The following ENTREP2 variants were observed in gnomAD, a reference collection of about 807,000 sequenced individuals.
ENTREP2 encodes protein ENTREP2.
chr15:29,598,729 C>G, the ENTREP2 span, among the ~76,000 whole-genome samples: 1 of 152,030 alleles, frequency 6.6e-6, no homozygotes, highest in South Asian at 2.1e-4. Context: ...CGGAGTCTCG[C>G]TTTGTCGCCC....
chr15:29,562,857 C>T, the ENTREP2 span, among the ~76,000 whole-genome samples: 1 of 152,048 alleles, frequency 6.6e-6, no homozygotes, highest in East Asian at 1.9e-4. Flanking sequence ...GTGGTGCAAT[C>T]GAAGCTCACT....
the ENTREP2 span, among the ~76,000 whole-genome samples, chr15:29,557,639 T>C: frequency 6.6e-6 from 1 of 152,184 alleles, no homozygotes; most frequent in Non-Finnish European, 1.5e-5. Context: ...CACTTCATGT[T>C]TGCCCTAGCA....
the ENTREP2 span, among the ~76,000 whole-genome samples, chr15:29,608,929 T>A: frequency 6.6e-6 from 1 of 152,094 alleles, no homozygotes; most frequent in African/African-American, 2.4e-5. Context: ...ACTCTTCAGC[T>A]CCACCTGCTC....
chr15:29,391,737 A>G, the ENTREP2 span, among the ~76,000 whole-genome samples: 1 of 152,230 alleles, frequency 6.6e-6, no homozygotes, highest in Admixed American at 6.5e-5. Flanking sequence ...TAGCACATAT[A>G]TTATTATAAT....
chr15:29,482,133 G>C, the ENTREP2 span, among the ~76,000 whole-genome samples: 1 of 151,028 alleles, frequency 6.6e-6, no homozygotes, highest in Non-Finnish European at 1.5e-5. Flanking sequence ...AAGTAGCTGG[G>C]ATTACAGGTG....
chr15:29,306,664 ATTTTTTTTTTTTTTTTTTTTTTTTTTT>A, the ENTREP2 span, among the ~76,000 whole-genome samples: 266 of 77,338 alleles, frequency 3.4e-3, 3 homozygotes, highest in African/African-American at 8.9e-3. Flanking sequence ...ATAATTGGTA[ATTTTTTTTTTTTTTTTTTTTTTTTTTT>A]TTTTTTTTTT....
chr15:29,173,867 CTT>C, the ENTREP2 span, among the ~76,000 whole-genome samples: 6 of 149,294 alleles, frequency 4.0e-5, no homozygotes, highest in Admixed American at 2.0e-4. Context: ...TATAATATGT[CTT>C]ATAATCTTTT....
chr15:29,648,917 C>A, the ENTREP2 span, among the ~76,000 whole-genome samples: 1 of 149,942 alleles, frequency 6.7e-6, no homozygotes, highest in Non-Finnish European at 1.5e-5. Context: ...CCAGCCTGGG[C>A]AACAAGAGCG....
chr15:29,257,719 T>C, the ENTREP2 span, among the ~76,000 whole-genome samples: 1 of 152,358 alleles, frequency 6.6e-6, no homozygotes, highest in Admixed American at 6.5e-5. Context: ...TACCATTCTC[T>C]ACCGTAACTA....
chr15:29,138,152 T>G, the ENTREP2 span, among the ~76,000 whole-genome samples: 4 of 152,156 alleles, frequency 2.6e-5, no homozygotes, highest in Admixed American at 6.5e-5. Context: ...TTCACACAGT[T>G]TGTAAAACAC....
chr15:29,389,464 T>C, the ENTREP2 span, among the ~76,000 whole-genome samples: 1 of 151,692 alleles, frequency 6.6e-6, no homozygotes, highest in Non-Finnish European at 1.5e-5. Flanking sequence ...CCAACACCAA[T>C]GCTTGAGCGC....
chr15:29,150,436 C>G, the ENTREP2 span, among the ~76,000 whole-genome samples: 4 of 152,196 alleles, frequency 2.6e-5, no homozygotes, highest in Non-Finnish European at 5.9e-5. Context: ...GCCTTTAGTT[C>G]TGTAAGTTTG....
chr15:29,129,009 T>C, the ENTREP2 span: 21 of 607,800 alleles, frequency 3.5e-5, no homozygotes, highest in Non-Finnish European at 4.9e-5. Context: ...CTCCCCTACA[T>C]TTATGAGGTG....
chr15:29,469,562 T>G, the ENTREP2 span, among the ~76,000 whole-genome samples: 1 of 152,070 alleles, frequency 6.6e-6, no homozygotes, highest in Admixed American at 6.6e-5. Flanking sequence ...AGAGTGGTGG[T>G]TGCCATGGCG....
the ENTREP2 span, among the ~76,000 whole-genome samples, chr15:29,480,243 T>G: frequency 6.6e-6 from 1 of 151,264 alleles, no homozygotes; most frequent in African/African-American, 2.4e-5. Context: ...AACACTGCAT[T>G]TCTTTTGAAG....
At chr15:29,380,507 C>T in the ENTREP2 span, among the ~76,000 whole-genome samples, 6,208 of 152,130 alleles carry the variant, frequency 0.041, 276 homozygotes, top group African/African-American at 0.11. Flanking sequence ...CCCAGAAAAC[C>T]TCTTCCTCTA....
chr15:29,570,092 G>T, the ENTREP2 span: 1 of 140,186 alleles, frequency 7.1e-6, no homozygotes, highest in Non-Finnish European at 1.5e-5. Context: ...CGCCGCGAGG[G>T]TGAGAGGCGC....
At chr15:29,278,443 AG>A in the ENTREP2 span, among the ~76,000 whole-genome samples, 1 of 152,188 alleles carries the variant, frequency 6.6e-6, no homozygotes, top group Non-Finnish European at 1.5e-5. Context: ...ACCCTGTCCC[AG>A]GCTGTTGTTC....
At chr15:29,335,104 G>C in the ENTREP2 span, among the ~76,000 whole-genome samples, 1 of 152,170 alleles carries the variant, frequency 6.6e-6, no homozygotes, top group Admixed American at 6.5e-5. Flanking sequence ...TCACTGGTCT[G>C]TCTCTGGGTC....
Sources: allele counts gnomAD v4.1 joint callset (sites outside exome capture counted in the v4.1 genomes callset), GRCh38; gene constraint gnomAD v4.1.1; transcripts MANE v1.5; gene names NCBI Gene and HGNC (gene_info 2026-07-23, HGNC 2026-07-21).